Variants in ITSN1 observed in about 807,000 individuals in gnomAD.
The protein encoded by ITSN1 is intersectin 1.
A neutral mutation model predicts 239.8 loss-of-function variants in ITSN1; 58 were observed. The ratio of observed to expected loss-of-function variants is 0.24; its 90% CI spans 0.20 to 0.30. The LOEUF is 0.30. Ranked by LOEUF, ITSN1 falls within the 10% of genes least tolerant of loss-of-function variation. The pLI, the probability that ITSN1 is intolerant of heterozygous loss-of-function variation, is 1.00. For missense variants in ITSN1, 1,558 were observed against 2,103.3 expected (o/e 0.74, Z 5.07); for synonymous variants, 780 against 770.8 (o/e 1.01, Z -0.20).
At chr21:33,761,311 C>G (rs2068307306) in intron 8 of ITSN1, among the ~76,000 whole-genome samples, 1 of 152,110 alleles carries the variant, frequency 6.6e-6, no homozygotes, top group South Asian at 2.1e-4. Flanking sequence ...GAGCCATCTG[C>G]CTGCCTCAGC....
chr21:33,805,931 C>T (rs1008220036), intron 20 of ITSN1, among the ~76,000 whole-genome samples: 1 of 143,988 alleles, frequency 6.9e-6, no homozygotes, highest in Admixed American at 6.9e-5. Context: ...AGGCCGGGCG[C>T]GGTGGCTCAC....
chr21:33,798,745 G>A (rs2071751988), intron 18 of ITSN1, among the ~76,000 whole-genome samples: 1 of 152,216 alleles, frequency 6.6e-6, no homozygotes, highest in Non-Finnish European at 1.5e-5. Context: ...AGTGGGCAGA[G>A]ATGGGCGTGA....
chr21:33,707,667 TGAC>T (rs2092294447), intron 1 of ITSN1, among the ~76,000 whole-genome samples: 1 of 152,348 alleles, frequency 6.6e-6, no homozygotes, highest in East Asian at 1.9e-4. Flanking sequence ...TTTTTTAATC[TGAC>T]TTCTTTCACT....
chr21:33,839,673 T>A (rs928858049), intron 29 of ITSN1, among the ~76,000 whole-genome samples: 1 of 152,202 alleles, frequency 6.6e-6, no homozygotes, highest in Non-Finnish European at 1.5e-5. Flanking sequence ...TACTACTCCA[T>A]AACACTCTAC....
chr21:33,654,426 A>G (rs954197597), intron 1 of ITSN1, among the ~76,000 whole-genome samples: 4 of 152,120 alleles, frequency 2.6e-5, no homozygotes, highest in African/African-American at 9.7e-5. Context: ...AGAGTCTAGA[A>G]TCAACGTTAG....
chr21:33,839,255 A>G (rs2074741529), intron 29 of ITSN1, among the ~76,000 whole-genome samples: 1 of 152,336 alleles, frequency 6.6e-6, no homozygotes, highest in East Asian at 1.9e-4. Context: ...ATAAATATGC[A>G]CGGTATGTGT....
intron 2 of ITSN1, among the ~76,000 whole-genome samples, chr21:33,719,503 G>C (rs1393846562): frequency 1.3e-5 from 2 of 152,196 alleles, no homozygotes; most frequent in Admixed American, 6.5e-5. Context: ...GCTACATCTA[G>C]TCTGTACCTT....
intron 30 of ITSN1, among the ~76,000 whole-genome samples, 171 bp downstream of exon 30, chr21:33,857,028 G>A (rs372781567): frequency 6.6e-4 from 101 of 152,290 alleles, no homozygotes; most frequent in Non-Finnish European, 1.0e-3. Context: ...GAGACGGTTC[G>A]TTGCTTATCC....
chr21:33,843,061 T>C (rs182249524), intron 29 of ITSN1, among the ~76,000 whole-genome samples: 3 of 152,246 alleles, frequency 2.0e-5, no homozygotes, highest in Admixed American at 1.3e-4. Context: ...CTGCGGATTA[T>C]TCAGTGAAGT....
At chr21:33,652,246 A>G (rs1191805324) in intron 1 of ITSN1, among the ~76,000 whole-genome samples, 1 of 152,128 alleles carries the variant, frequency 6.6e-6, no homozygotes, top group African/African-American at 2.4e-5. Flanking sequence ...TTCTGGGAGG[A>G]TGCGTCCTGG....
At chr21:33,732,880 G>T (rs1601897478) in intron 4 of ITSN1, among the ~76,000 whole-genome samples, 1 of 152,110 alleles carries the variant, frequency 6.6e-6, no homozygotes, top group Non-Finnish European at 1.5e-5. Context: ...AGCAAGAAAA[G>T]CATATTATAT....
chr21:33,666,484 A>T (rs952689928), intron 1 of ITSN1, among the ~76,000 whole-genome samples: 2 of 152,216 alleles, frequency 1.3e-5, no homozygotes, highest in Non-Finnish European at 2.9e-5. Flanking sequence ...ATATTTCGAC[A>T]TGACGTTTTT....
At chr21:33,817,013 CATA>C (rs1488169467) in intron 22 of ITSN1, among the ~76,000 whole-genome samples, 1 of 152,136 alleles carries the variant, frequency 6.6e-6, no homozygotes, top group Admixed American at 6.6e-5. Context: ...GCTCATCAGA[CATA>C]ATCATAACTT....
At chr21:33,693,171 A>G (rs2091628009) in intron 1 of ITSN1, among the ~76,000 whole-genome samples, 1 of 152,232 alleles carries the variant, frequency 6.6e-6, no homozygotes, top group South Asian at 2.1e-4. Context: ...ACTGTTTTCT[A>G]AATGGTAATA....
intron 33 of ITSN1, among the ~76,000 whole-genome samples, chr21:33,868,350 G>A (rs1285383408): frequency 6.6e-6 from 1 of 152,266 alleles, no homozygotes; most frequent in East Asian, 1.9e-4. Context: ...CGATGGGACT[G>A]GGCGCCGTGG....
chr21:33,885,559 G>T (rs760436047), intron 38 of ITSN1, 37 bp downstream of exon 38: 2 of 1,562,880 alleles, frequency 1.3e-6, no homozygotes, highest in Non-Finnish European at 1.8e-6. Flanking sequence ...CTGCTTTGGG[G>T]TTGGGAGTAG....
chr21:33,767,871 G>A (rs778657875), intron 11 of ITSN1, 43 bp downstream of exon 11: 11 of 1,067,168 alleles, frequency 1.0e-5, no homozygotes, highest in East Asian at 7.2e-5. Context: ...TAGATTAAAC[G>A]AAATTAGAGA....
chr21:33,814,472 G>GT (rs905200014), intron 22 of ITSN1: 15 of 173,854 alleles, frequency 8.6e-5, no homozygotes, highest in Non-Finnish European at 1.7e-4. Flanking sequence ...AGACCATTGA[G>GT]TTTTTTTTGG....
chr21:33,820,367 T>C (rs1373791261), intron 24 of ITSN1, among the ~76,000 whole-genome samples: 1 of 152,246 alleles, frequency 6.6e-6, no homozygotes, highest in Non-Finnish European at 1.5e-5. Context: ...TGTAGACATC[T>C]GAGCAGTGTT....
Sources: gnomAD v4.1 joint callset for allele counts (sites outside exome capture counted in the v4.1 genomes callset) on GRCh38, gnomAD v4.1.1 for gene constraint, MANE v1.5 for transcripts, NCBI Gene and HGNC (gene_info 2026-07-23, HGNC 2026-07-21) for gene names.